Variants in ABTB2 observed in about 807,000 individuals in gnomAD.
The protein encoded by ABTB2 is ankyrin repeat and BTB domain containing 2.
A neutral mutation model predicts 104.1 loss-of-function variants in ABTB2; 56 were observed. The observed-to-expected ratio is 0.54, with a 90% CI of 0.43 to 0.67. ABTB2 has a LOEUF of 0.67. Ranked by LOEUF, ABTB2 falls within the 30% of genes least tolerant of loss-of-function variation. The probability of loss-of-function intolerance (pLI) is 0.00; values close to 1 mark genes in which losing one functional copy is unlikely to be tolerated. For synonymous variants in ABTB2, 606 were observed against 608.2 expected (o/e 1.00, Z 0.05); for missense variants, 1,279 against 1,407.7 (o/e 0.91, Z 1.46).
intron 1 of ABTB2, among the ~76,000 whole-genome samples, chr11:34,229,294 A>G (rs1042499748): frequency 9.2e-5 from 14 of 151,694 alleles, no homozygotes; most frequent in Admixed American, 3.9e-4. Context: ...CATCCTGGCT[A>G]ACACGATGAA....
At chr11:34,266,109 G>T (rs1295286218) in intron 1 of ABTB2, among the ~76,000 whole-genome samples, 1 of 152,088 alleles carries the variant, frequency 6.6e-6, no homozygotes, top group African/African-American at 2.4e-5. Context: ...TAGAGACAGG[G>T]TCTCACTCTG....
intron 1 of ABTB2, among the ~76,000 whole-genome samples, chr11:34,230,307 C>T (rs1242520338): frequency 1.3e-5 from 2 of 152,186 alleles, no homozygotes; most frequent in African/African-American, 4.8e-5. Context: ...TCCCAAACCA[C>T]GTTAAGTGGC....
chr11:34,294,404 A>G (rs1854596809), intron 1 of ABTB2, among the ~76,000 whole-genome samples: 1 of 152,218 alleles, frequency 6.6e-6, no homozygotes, highest in African/African-American at 2.4e-5. Flanking sequence ...TGTTGATACC[A>G]TATGAAGAGT....
intron 1 of ABTB2, among the ~76,000 whole-genome samples, chr11:34,262,273 G>A (rs1244750667): frequency 6.6e-6 from 1 of 152,074 alleles, no homozygotes; most frequent in Non-Finnish European, 1.5e-5. Context: ...TCTGTTTTTG[G>A]CAGCTAGTAT....
At chr11:34,275,764 TA>T (rs1329218120) in intron 1 of ABTB2, among the ~76,000 whole-genome samples, 1 of 152,196 alleles carries the variant, frequency 6.6e-6, no homozygotes, top group Non-Finnish European at 1.5e-5. Context: ...CACTAAGGAA[TA>T]ATAATACACT....
intron 1 of ABTB2, among the ~76,000 whole-genome samples, chr11:34,213,271 A>G (rs1040338927): frequency 6.6e-6 from 1 of 152,244 alleles, no homozygotes; most frequent in Admixed American, 6.5e-5. Flanking sequence ...TGAGGTCAGG[A>G]GTTCGAGACC....
At chr11:34,189,065 C>A (rs1185161853) in intron 3 of ABTB2, 1 of 152,178 alleles carries the variant, frequency 6.6e-6, no homozygotes, top group Non-Finnish European at 1.5e-5. Context: ...CATCCCACAG[C>A]GGCTCAGAGG....
chr11:34,344,265 T>C (rs973704847), intron 1 of ABTB2, among the ~76,000 whole-genome samples: 1 of 152,354 alleles, frequency 6.6e-6, no homozygotes, highest in Middle Eastern at 3.4e-3. Flanking sequence ...ACAGAGTTGA[T>C]GATCTTTATT....
Position 34,229,402 on chromosome 11 carries a change from A to G in ABTB2, c.884-24712T>C, listed in dbSNP as rs1853738304. ...AGGCTAAGGCAGGAGAATGGCGTGA[A>G]CCCGGGAGGTGGAGCTTGCAGTGAG... On this transcript the variant is annotated intron_variant, in intron 1 of 16. Transcript: ENST00000435224. Among the ~76,000 whole-genome samples, 3 of 148,418 alleles carry G rather than the reference A, an allele frequency of 2.0e-5. No individual in the cohort carries two copies. The South Asian group carries it at 6.5e-4, about 32-fold the overall frequency.
At position 34,151,804 on chromosome 11, in the gene ABTB2, G is replaced by A. The variant is rs1481788355; in HGVS notation, c.*583C>T. ...CCGGGTGGCAGCAGTCGTGGTGGCA[G>A]GGGGGGGTCCACAGGCCACTGGATG... On this transcript the variant is annotated 3_prime_UTR_variant, in exon 17 of 17. Transcript: ENST00000435224. The A allele has an allele frequency of 2.7e-5, 4 of 150,770 alleles. No individual in the cohort carries two copies. Among genetic ancestry groups the A allele is most frequent in the East Asian group, 3.9e-4 (2 of 5,174 alleles). The allele number at this position is 150,770 out of a possible 1,614,324, so 9.3% of individuals were successfully genotyped here.
chr11:34,152,425 C>T lies in ABTB2; in HGVS notation c.3040G>A (p.Glu1014Lys). 2 of 1,590,670 alleles carry T rather than the reference C, an allele frequency of 1.3e-6. No homozygotes were observed. Among genetic ancestry groups the T allele is most frequent in the Non-Finnish European group, 1.7e-6 (2 of 1,169,862 alleles). ...PLQDLQNTLA[E>K]RVHSVYITSR... ...GTGATGTAGACAGAGTGCACGCGCT[C>T]TGCCAGGGTGTTCTGCAGGTCCTGC... The change falls in exon 17 of 17, where the codon GAG becomes AAG. Residue 1014 changes from glutamate to lysine, a missense_variant. Transcript: ENST00000435224.
At position 34,297,626 on chromosome 11, in the gene ABTB2, C is replaced by T. The variant is rs373249892; in HGVS notation, c.883+59075G>A. Among the ~76,000 whole-genome samples, 120 of 152,010 alleles carry T rather than the reference C, an allele frequency of 7.9e-4. 1 individual carries two copies. The highest frequency in any genetic ancestry group is 7.1e-3 in the South Asian group (34 of 4,806). The stretch of plus-strand genomic sequence containing the variant: ...TACTAAAAATACAAAATTAGCTGGG[C>T]GTAGTGGCGCATGCCTGTAATCCCA... On this transcript the variant is annotated intron_variant, in intron 1 of 16. Transcript: ENST00000435224.
rs1005867858 is a variant in ABTB2 at position 34,306,700 on chromosome 11, G to C, written c.883+50001C>G. 2.6e-5 allele frequency among the ~76,000 whole-genome samples: 4 copies of C among 151,902 alleles called. No individual in the cohort carries two copies. In the South Asian group the frequency reaches 8.3e-4, roughly 32 times the overall value. On this transcript the variant is annotated intron_variant, in intron 1 of 16. Coordinates refer to ENST00000435224, the MANE Select transcript of ABTB2 (RefSeq NM_145804.3). ...GACTGCACCACTGCACTCCAGCCTGGGTGACACAGTGAGACCCTGTCTCTA... is the reference window on the plus strand; with the variant it reads ...GACTGCACCACTGCACTCCAGCCTGCGTGACACAGTGAGACCCTGTCTCTA...
At chr11:34,195,317 C>T (rs991988732) in intron 3 of ABTB2, among the ~76,000 whole-genome samples, 1 of 152,216 alleles carries the variant, frequency 6.6e-6, no homozygotes, top group African/African-American at 2.4e-5. Context: ...CAGCTGACTC[C>T]TTCAACCACA....
chr11:34,153,580 C>CT (rs532731755), intron 16 of ABTB2, among the ~76,000 whole-genome samples: 81 of 152,304 alleles, frequency 5.3e-4, no homozygotes, highest in Non-Finnish European at 7.1e-4. Context: ...CTGGTCTAAA[C>CT]TCCTGGTCCT....
chr11:34,170,104 C>G (rs1231520002), intron 5 of ABTB2, among the ~76,000 whole-genome samples: 1 of 152,206 alleles, frequency 6.6e-6, no homozygotes, highest in Non-Finnish European at 1.5e-5. Context: ...ACAGGATATT[C>G]CATAGTGGTT....
At chr11:34,167,486 A>T in intron 6 of ABTB2, 126 bp from the exon 7 acceptor site, 1 of 817,488 alleles carries the variant, frequency 1.2e-6, no homozygotes, top group Non-Finnish European at 2.0e-6. Flanking sequence ...CCTGGAGCAC[A>T]AAGTGGACAA....
intron 1 of ABTB2, among the ~76,000 whole-genome samples, chr11:34,267,406 G>A (rs2755169): frequency 0.17 from 25,479 of 152,048 alleles, 2,685 homozygotes; most frequent in African/African-American, 0.28. Flanking sequence ...TCCCCATCCT[G>A]ACGGCATCAC....
intron 1 of ABTB2, among the ~76,000 whole-genome samples, chr11:34,244,321 T>C (rs892103332): frequency 4.6e-5 from 7 of 151,894 alleles, no homozygotes; most frequent in Admixed American, 6.6e-5. Flanking sequence ...AAAGTGAAAA[T>C]GGAAGCAGGC....
Sources: gnomAD v4.1 joint callset for allele counts (sites outside exome capture counted in the v4.1 genomes callset) on GRCh38, gnomAD v4.1.1 for gene constraint, MANE v1.5 for transcripts, NCBI Gene and HGNC (gene_info 2026-07-23, HGNC 2026-07-21) for gene names.